The following NKAIN2 variants were observed in gnomAD, a reference collection of about 807,000 sequenced individuals.
The protein encoded by NKAIN2 is sodium/potassium-transporting ATPase subunit beta-1-interacting protein 2.
In NKAIN2, 14 loss-of-function variants were observed where a neutral mutation model predicts 32.6. The ratio of observed to expected loss-of-function variants is 0.43; its 90% CI spans 0.28 to 0.67. The LOEUF is 0.67. Among genes scored for constraint, NKAIN2 ranks in the 30% least tolerant of loss-of-function variants. The probability of loss-of-function intolerance (pLI) is 0.17; values close to 1 mark genes in which losing one functional copy is unlikely to be tolerated. For missense variants in NKAIN2, 198 were observed against 258.3 expected, an observed-to-expected ratio of 0.77 and a Z score of 1.60; for synonymous variants, 80 against 87.2, an observed-to-expected ratio of 0.92 and a Z score of 0.46.
chr6:124,221,879 T>A (rs1791850038), intron 1 of NKAIN2, among the ~76,000 whole-genome samples: 2 of 152,228 alleles, frequency 1.3e-5, no homozygotes, highest in Non-Finnish European at 2.9e-5. Context: ...GAGTGTTCGC[T>A]CTAGTTTGCA....
Position 123,963,235 on chromosome 6 carries a change from A to G in NKAIN2, c.54+158981A>G, listed in dbSNP as rs889174638. 2.6e-5 allele frequency among the ~76,000 whole-genome samples: 4 copies of G among 152,284 alleles called. No individual in the cohort carries two copies. In the South Asian group the frequency reaches 8.3e-4, roughly 32 times the overall value. The stretch of plus-strand genomic sequence containing the variant: ...TATGATTCAGCATTGTTTTCTAGGC[A>G]ATTTTTAATGTTTTTGGAGTGATGA... On this transcript the variant is annotated intron_variant, in intron 1 of 6. Coordinates refer to ENST00000368417, the MANE Select transcript of NKAIN2 (RefSeq NM_001040214.3).
chr6:124,731,761 A>G (rs1012385650), intron 4 of NKAIN2, among the ~76,000 whole-genome samples: 1 of 152,098 alleles, frequency 6.6e-6, no homozygotes, highest in Non-Finnish European at 1.5e-5. Context: ...CTTATTTTAT[A>G]CACTTTATCA....
At chr6:124,115,853 G>A (rs997814507) in intron 1 of NKAIN2, among the ~76,000 whole-genome samples, 15 of 151,966 alleles carry the variant, frequency 9.9e-5, no homozygotes, top group Admixed American at 1.3e-4. Context: ...TATGTATAGT[G>A]ATATGTAGCA....
chr6:124,354,639 A>G (rs117328703), intron 2 of NKAIN2, among the ~76,000 whole-genome samples: 10 of 152,264 alleles, frequency 6.6e-5, no homozygotes, highest in Non-Finnish European at 1.3e-4. Flanking sequence ...CTACACGGAG[A>G]TGGTTTTGCT....
chr6:124,561,275 C>T (rs940514238), intron 3 of NKAIN2, among the ~76,000 whole-genome samples: 10 of 152,156 alleles, frequency 6.6e-5, no homozygotes, highest in African/African-American at 2.2e-4. Context: ...CAAGCAGTTT[C>T]GTCAACATAT....
chr6:124,811,230 T>C (rs575910714), intron 5 of NKAIN2, among the ~76,000 whole-genome samples: 1 of 152,262 alleles, frequency 6.6e-6, no homozygotes, highest in African/African-American at 2.4e-5. Flanking sequence ...CAGTGAGTTA[T>C]TCTAAATATT....
intron 1 of NKAIN2, among the ~76,000 whole-genome samples, chr6:124,088,775 T>C (rs927039712): frequency 6.6e-6 from 1 of 152,062 alleles, no homozygotes; most frequent in African/African-American, 2.4e-5. Context: ...CATTGTTTTG[T>C]TTTACAAAAG....
rs572908400 is a variant in NKAIN2, at chr6:124,180,295, G to A, written c.55-102710G>A. On this transcript the variant is annotated intron_variant, in intron 1 of 6. Coordinates refer to ENST00000368417, the MANE Select transcript of NKAIN2 (RefSeq NM_001040214.3). Reference sequence around the variant, plus strand: ...ATGGCTGGGAAGACTCATAATCATGGTGAAAGGCAGGCAAAGGAGGAGCAA... The same window carrying A: ...ATGGCTGGGAAGACTCATAATCATGATGAAAGGCAGGCAAAGGAGGAGCAA... 2.0e-5 allele frequency among the ~76,000 whole-genome samples: 3 copies of A among 152,262 alleles called. No homozygotes were observed. The East Asian group carries it at 5.8e-4, about 29-fold the overall frequency.
intron 1 of NKAIN2, among the ~76,000 whole-genome samples, chr6:124,085,368 TG>T (rs1343061921): frequency 2.0e-5 from 3 of 152,022 alleles, no homozygotes; most frequent in Non-Finnish European, 4.4e-5. Flanking sequence ...CAAGAACCAC[TG>T]TAGCAAATAA....
chr6:124,105,484 A>G (rs997189173), intron 1 of NKAIN2, among the ~76,000 whole-genome samples: 13 of 152,166 alleles, frequency 8.5e-5, no homozygotes, highest in African/African-American at 2.9e-4. Flanking sequence ...GGAGAGAATG[A>G]TCAACAAGAC....
chr6:123,828,938 A>G (rs1033666988), intron 1 of NKAIN2: 8 of 152,164 alleles, frequency 5.3e-5, no homozygotes, highest in Admixed American at 3.9e-4. Flanking sequence ...TTAGAACTTG[A>G]GAGATATTTA....
At chr6:124,020,128 G>A (rs1187804570) in intron 1 of NKAIN2, among the ~76,000 whole-genome samples, 1 of 152,072 alleles carries the variant, frequency 6.6e-6, no homozygotes, top group African/African-American at 2.4e-5. Context: ...TGGAAGCAGA[G>A]GCACCTTTTT....
chr6:124,585,455 A>G (rs1781679764), intron 3 of NKAIN2, among the ~76,000 whole-genome samples: 2 of 152,178 alleles, frequency 1.3e-5, no homozygotes, highest in Admixed American at 6.5e-5. Flanking sequence ...AAATAACTAA[A>G]AGAGTATAAT....
intron 3 of NKAIN2, among the ~76,000 whole-genome samples, chr6:124,557,082 G>A (rs1458190562): frequency 6.6e-6 from 1 of 152,132 alleles, no homozygotes; most frequent in Non-Finnish European, 1.5e-5. Context: ...TATTTTAGAT[G>A]TCAATGCAAT....
At chr6:124,230,208 C>G (rs571260375) in intron 1 of NKAIN2, among the ~76,000 whole-genome samples, 1 of 152,170 alleles carries the variant, frequency 6.6e-6, no homozygotes, top group African/African-American at 2.4e-5. Flanking sequence ...GCATTTTTCC[C>G]CTGCCCTAGA....
intron 3 of NKAIN2, among the ~76,000 whole-genome samples, chr6:124,398,981 G>T (rs1331136333): frequency 6.6e-6 from 1 of 152,098 alleles, no homozygotes; most frequent in South Asian, 2.1e-4. Flanking sequence ...GGATGGAGTG[G>T]AGTGGTGTGA....
intron 1 of NKAIN2, among the ~76,000 whole-genome samples, chr6:123,818,199 A>G (rs543259769): frequency 3.2e-4 from 49 of 152,324 alleles, no homozygotes; most frequent in Middle Eastern, 3.4e-3. Context: ...TATTGTTGAC[A>G]TGCAGGACAA....
chr6:124,451,667 A>T (rs1776113485), intron 3 of NKAIN2, among the ~76,000 whole-genome samples: 1 of 152,184 alleles, frequency 6.6e-6, no homozygotes, highest in Admixed American at 6.6e-5. Context: ...CCTTAGAAAG[A>T]TTTCTTCAAA....
At chr6:124,805,754 G>T (rs1003422693) in intron 5 of NKAIN2, among the ~76,000 whole-genome samples, 4 of 152,146 alleles carry the variant, frequency 2.6e-5, no homozygotes, top group Non-Finnish European at 4.4e-5. Context: ...AAATTTAGAC[G>T]AATGTATAAC....
Sources: allele counts gnomAD v4.1 joint callset (sites outside exome capture counted in the v4.1 genomes callset), GRCh38; gene constraint gnomAD v4.1.1; transcripts MANE v1.5; gene names NCBI Gene and HGNC (gene_info 2026-07-23, HGNC 2026-07-21).